POLA1: variants seen among roughly 807,000 people sequenced by gnomAD.
POLA1 encodes the protein DNA polymerase alpha 1, catalytic subunit.
A neutral mutation model predicts 124.0 loss-of-function variants in POLA1; 15 were observed. The ratio of observed to expected loss-of-function variants is 0.12; its 90% CI spans 0.08 to 0.19. POLA1 has a LOEUF of 0.19. POLA1 is among the 10% of genes least tolerant of loss of function. The pLI is 1.00. For synonymous variants in POLA1, 408 were observed against 389.4 expected, an observed-to-expected ratio of 1.05 and a Z score of -0.56; for missense variants, 886 against 1,103.4, an observed-to-expected ratio of 0.80 and a Z score of 2.79.
At chrX:24,871,059 G>T (rs1428181231) in intron 34 of POLA1, among the ~76,000 whole-genome samples, 1 of 111,560 alleles carries the variant, frequency 9.0e-6, no homozygotes, top group Non-Finnish European at 1.9e-5. Context: ...ATAATGGGCA[G>T]ATGTCAGGAT....
chrX:24,864,215 C>A (rs1276874045), intron 34 of POLA1, among the ~76,000 whole-genome samples: 3 of 110,901 alleles, frequency 2.7e-5, no homozygotes, highest in African/African-American at 9.8e-5. Context: ...CTCCTGACCT[C>A]AGGTGATCCG....
intron 8 of POLA1, 126 bp from the exon 9 acceptor site, chrX:24,717,164 A>G: frequency 3.4e-6 from 2 of 590,561 alleles, no homozygotes; most frequent in Non-Finnish European, 5.4e-6. Flanking sequence ...AAATGCAAAC[A>G]TAGTATAGAA....
chrX:24,727,092 A>T (rs762595569), intron 14 of POLA1, 21 bp downstream of exon 14: 1 of 1,162,674 alleles, frequency 8.6e-7, no homozygotes, highest in African/African-American at 1.8e-5. Context: ...ATACATGCTC[A>T]GAATGCTGAA....
intron 36 of POLA1, among the ~76,000 whole-genome samples, chrX:24,942,995 T>A (rs1005527236): frequency 6.2e-5 from 7 of 112,486 alleles, no homozygotes; most frequent in African/African-American, 2.3e-4. Context: ...CTGGGCCCGC[T>A]GTCCTTGAAG....
rs1405893977 is a variant in POLA1, at chrX:24,823,403, CT to C, written c.3561+1836del. Among the ~76,000 whole-genome samples the C allele has an allele frequency of 4.7e-3, 465 of 99,251 alleles. 2 individuals are homozygous for C. Among genetic ancestry groups the C allele is most frequent in the African/African-American group, 0.013 (360 of 27,543 alleles). 86.2% of individuals were successfully genotyped at this position (99,251 alleles called of 115,157 possible). A position where few individuals can be genotyped will look rare whatever the true frequency, so the allele number is the denominator to read the frequency against. On this transcript the variant is annotated intron_variant, in intron 31 of 36. Coordinates refer to ENST00000379068, the MANE Select transcript of POLA1 (RefSeq NM_001330360.2). ...ATGCTTTTGAAAATGTATCATGACA[CT>C]TTTTTTTTTTTTTTTGAGATGGAGT...
At chrX:24,986,133 T>C (rs1034435637) in intron 36 of POLA1, among the ~76,000 whole-genome samples, 2 of 110,958 alleles carry the variant, frequency 1.8e-5, no homozygotes, top group Non-Finnish European at 3.8e-5. Flanking sequence ...GATCGCGCCA[T>C]TGCACTCCAG....
intron 24 of POLA1, 40 bp from the exon 25 acceptor site, chrX:24,748,271 A>C: frequency 2.7e-6 from 3 of 1,093,534 alleles, no homozygotes; most frequent in Non-Finnish European, 3.7e-6. Context: ...TTTATTTCGC[A>C]AAAGTTTGAT....
chrX:24,737,773 A>G (rs771310308), intron 19 of POLA1, 32 bp downstream of exon 19: 6 of 692,879 alleles, frequency 8.7e-6, no homozygotes, highest in South Asian at 2.6e-5. Context: ...TTATTTATCT[A>G]TTTATTTTAA....
intron 36 of POLA1, among the ~76,000 whole-genome samples, chrX:24,955,225 G>T (rs771561379): frequency 9.4e-6 from 1 of 106,246 alleles, no homozygotes; most frequent in Admixed American, 1.0e-4. Context: ...GTGCAGTGGC[G>T]CAAGCACTGC....
intron 36 of POLA1, among the ~76,000 whole-genome samples, chrX:24,966,329 C>G (rs1358584193): frequency 9.0e-6 from 1 of 111,475 alleles, no homozygotes; most frequent in Non-Finnish European, 1.9e-5. Flanking sequence ...GGTACATTCT[C>G]ATTTTCTAGA....
intron 15 of POLA1, among the ~76,000 whole-genome samples, 174 bp downstream of exon 15, chrX:24,728,110 A>G (rs1930656683): frequency 8.9e-6 from 1 of 112,600 alleles, no homozygotes; most frequent in Non-Finnish European, 1.9e-5. Context: ...GTTTTTTCTT[A>G]AAGACTTAAA....
intron 35 of POLA1, among the ~76,000 whole-genome samples, chrX:24,888,825 C>T (rs1254570147): frequency 1.8e-5 from 2 of 108,162 alleles, no homozygotes; most frequent in Non-Finnish European, 3.8e-5. Context: ...CCGCCCACCT[C>T]GGTCTCCCAA....
At position 24,822,165 on chromosome X, in the gene POLA1, A is replaced by G. The variant is rs759661114; in HGVS notation, c.3561+582A>G. ...TTAAGCCACTACCAGTTCTTTTGAT[A>G]ATAGCATGCCTATAATGGGTGAGGA... On this transcript the variant is annotated intron_variant, in intron 31 of 36. Transcript: ENST00000379068. Among the ~76,000 whole-genome samples, 3 of 111,061 alleles carry G rather than the reference A, an allele frequency of 2.7e-5. No homozygotes were observed. In the South Asian group the frequency reaches 1.2e-3, roughly 43 times the overall value.
chrX:24,916,273 T>TTTTTTTC (rs1415255594), intron 35 of POLA1, among the ~76,000 whole-genome samples: 3 of 104,579 alleles, frequency 2.9e-5, no homozygotes, highest in African/African-American at 1.2e-4. Flanking sequence ...CTGAGAACTT[T>TTTTTTTC]TTTTTTCTTT....
chrX:24,871,763 G>T (rs2046868408), intron 34 of POLA1, among the ~76,000 whole-genome samples: 1 of 111,190 alleles, frequency 9.0e-6, no homozygotes, highest in South Asian at 3.8e-4. Flanking sequence ...CAGGAGAAAT[G>T]ATTGAATACT....
intron 36 of POLA1, among the ~76,000 whole-genome samples, chrX:24,984,665 T>TC (rs1243268745): frequency 5.0e-5 from 5 of 99,849 alleles, no homozygotes; most frequent in African/African-American, 1.9e-4. Context: ...TTTTTTTTTT[T>TC]TTTTTTTTTT....
chrX:24,930,150 A>G (rs937774373), intron 35 of POLA1, among the ~76,000 whole-genome samples: 1 of 112,558 alleles, frequency 8.9e-6, no homozygotes, highest in Non-Finnish European at 1.9e-5. Flanking sequence ...GCAAATTGTC[A>G]TGAGTGCATA....
chrX:24,935,230 C>T (rs948223408), intron 36 of POLA1, among the ~76,000 whole-genome samples: 3 of 112,476 alleles, frequency 2.7e-5, no homozygotes, highest in African/African-American at 9.7e-5. Flanking sequence ...AGGGTTAAGA[C>T]TTCAACCTAC....
At chrX:24,958,991 C>T (rs1400630835) in intron 36 of POLA1, among the ~76,000 whole-genome samples, 1 of 111,776 alleles carries the variant, frequency 8.9e-6, no homozygotes, top group Non-Finnish European at 1.9e-5. Context: ...GATGTCTGTC[C>T]CATGAACATC....
Sources: gnomAD v4.1 joint callset for allele counts (sites outside exome capture counted in the v4.1 genomes callset) on GRCh38, gnomAD v4.1.1 for gene constraint, MANE v1.5 for transcripts, NCBI Gene and HGNC (gene_info 2026-07-23, HGNC 2026-07-21) for gene names.